The following RAPGEF4 variants were observed in gnomAD, a reference collection of about 807,000 sequenced individuals.
RAPGEF4 encodes Rap guanine nucleotide exchange factor 4.
In RAPGEF4, 66 loss-of-function variants were observed where a neutral mutation model predicts 147.9. The observed-to-expected ratio is 0.45, with a 90% CI of 0.37 to 0.55. The LOEUF is 0.55. Ranked by LOEUF, RAPGEF4 falls within the 20% of genes least tolerant of loss-of-function variation. RAPGEF4 has a pLI of 0.00. For missense variants in RAPGEF4, 1,071 were observed against 1,257.3 expected (o/e 0.85, Z 2.24); for synonymous variants, 419 against 442.7 (o/e 0.95, Z 0.67).
At chr2:172,861,468 C>A (rs1189769505) in intron 4 of RAPGEF4, among the ~76,000 whole-genome samples, 1 of 152,212 alleles carries the variant, frequency 6.6e-6, no homozygotes, top group Non-Finnish European at 1.5e-5. Flanking sequence ...AATCCCCTGA[C>A]TGAAAATTCC....
rs111549397 is a variant in RAPGEF4, at chr2:173,043,310, A to G, written c.2854-5290A>G. Among the ~76,000 whole-genome samples, 770 of 152,338 alleles carry G rather than the reference A, an allele frequency of 5.1e-3. 7 individuals are homozygous for G. Among genetic ancestry groups the G allele is most frequent in the African/African-American group, 0.017 (702 of 41,578 alleles). Reference sequence around the variant, plus strand: ...GGCAAACATTAAGAGCAAGGATGGTACAGATCTTAAGGGGCAACAGAAGGA... The same window carrying G: ...GGCAAACATTAAGAGCAAGGATGGTGCAGATCTTAAGGGGCAACAGAAGGA... On this transcript the variant is annotated intron_variant, in intron 29 of 30. Coordinates refer to ENST00000397081, the MANE Select transcript of RAPGEF4 (RefSeq NM_007023.4).
intron 1 of RAPGEF4, among the ~76,000 whole-genome samples, chr2:172,754,285 G>T (rs1437272724): frequency 6.6e-6 from 1 of 151,962 alleles, no homozygotes; most frequent in Non-Finnish European, 1.5e-5. Context: ...ATTCGTATTG[G>T]CTGAAATCAT....
At chr2:173,035,137 C>T (rs1444691702) in intron 27 of RAPGEF4, among the ~76,000 whole-genome samples, 1 of 151,806 alleles carries the variant, frequency 6.6e-6, no homozygotes, top group African/African-American at 2.4e-5. Flanking sequence ...TCATTGCAGC[C>T]TTGACCTCTT....
intron 1 of RAPGEF4, among the ~76,000 whole-genome samples, chr2:172,756,003 A>G (rs1262839987): frequency 6.6e-6 from 1 of 152,208 alleles, no homozygotes; most frequent in East Asian, 1.9e-4. Flanking sequence ...CCCTCTCGCC[A>G]GCACTTTGTA....
Position 172,838,972 on chromosome 2 carries a change from C to T in RAPGEF4, c.444+24547C>T, listed in dbSNP as rs555789503. On this transcript the variant is annotated intron_variant, in intron 4 of 30. Transcript: ENST00000397081. ...TTGGGCAATAAGCAAGTTCTTCTTC[C>T]CATGCATCCTTTGATCCCCATCACC... Among the ~76,000 whole-genome samples the T allele has an allele frequency of 4.7e-4, 71 of 152,178 alleles. 2 individuals are homozygous for T. Among genetic ancestry groups the T allele is most frequent in the African/African-American group, 1.7e-3 (69 of 41,474 alleles).
At chr2:172,962,678 T>C (rs551545020) in intron 8 of RAPGEF4, among the ~76,000 whole-genome samples, 2 of 152,238 alleles carry the variant, frequency 1.3e-5, no homozygotes, top group South Asian at 4.1e-4. Flanking sequence ...TGGCCTCTTG[T>C]TGACCGAATT....
At chr2:172,996,061 C>T (rs1693325713) in intron 15 of RAPGEF4, among the ~76,000 whole-genome samples, 2 of 152,122 alleles carry the variant, frequency 1.3e-5, no homozygotes, top group African/African-American at 4.8e-5. Flanking sequence ...CTATGAGTAA[C>T]CCATATATGG....
intron 3 of RAPGEF4, among the ~76,000 whole-genome samples, chr2:172,813,936 T>C (rs763262428): frequency 2.6e-5 from 4 of 152,114 alleles, no homozygotes; most frequent in Non-Finnish European, 5.9e-5. Flanking sequence ...TTACAGACAT[T>C]ATGTTGAGCA....
At chr2:172,915,288 A>T (rs1200368523) in intron 4 of RAPGEF4, among the ~76,000 whole-genome samples, 6 of 152,238 alleles carry the variant, frequency 3.9e-5, no homozygotes, top group Admixed American at 1.3e-4. Context: ...TTTGACCATC[A>T]ACTGGATATT....
In RAPGEF4 at chr2:172,983,687, C is replaced by T. The variant is rs999645525; in HGVS notation, c.1089+107C>T. 10 of 1,489,768 alleles carry T rather than the reference C, an allele frequency of 6.7e-6. No individual in the cohort carries two copies. The Admixed American group carries it at 1.5e-4, about 22-fold the overall frequency. The allele number at this position is 1,489,768 out of a possible 1,614,324, so 92.3% of individuals were successfully genotyped here. A position where few individuals can be genotyped will look rare whatever the true frequency, so the allele number is the denominator to read the frequency against. On this transcript the variant is annotated intron_variant, in intron 11 of 30. Transcript: ENST00000397081. The stretch of plus-strand genomic sequence containing the variant: ...GTGGGGGGAAAGAATGTCTGATTTT[C>T]ACCTCATAAATCACCTCTACTCTCT...
chr2:173,003,306 G>A (rs1694130679), intron 17 of RAPGEF4, among the ~76,000 whole-genome samples: 1 of 152,170 alleles, frequency 6.6e-6, no homozygotes, highest in Non-Finnish European at 1.5e-5. Context: ...GCAGGGAGAG[G>A]GGAAGGCAAG....
intron 1 of RAPGEF4, among the ~76,000 whole-genome samples, chr2:172,753,704 C>CT (rs34628734): frequency 1.5e-4 from 23 of 149,102 alleles, no homozygotes; most frequent in African/African-American, 2.2e-4. Flanking sequence ...AAAAGGAAAA[C>CT]TTTTTTTTTT....
intron 6 of RAPGEF4, among the ~76,000 whole-genome samples, chr2:172,927,955 C>G (rs1318828553): frequency 6.6e-6 from 1 of 152,158 alleles, no homozygotes; most frequent in Admixed American, 6.5e-5. Context: ...AATGCTGAAG[C>G]TTTGAAAATC....
intron 29 of RAPGEF4, among the ~76,000 whole-genome samples, chr2:173,039,477 A>T (rs796660542): frequency 2.6e-5 from 4 of 151,716 alleles, no homozygotes; most frequent in African/African-American, 9.7e-5. Context: ...AAAAAAAAAA[A>T]GTTCAAGCAG....
chr2:172,999,957 C>A (rs188490062), intron 16 of RAPGEF4, among the ~76,000 whole-genome samples: 1 of 152,340 alleles, frequency 6.6e-6, no homozygotes, highest in African/African-American at 2.4e-5. Context: ...CAAGTCAAGT[C>A]TCTGCTTTAG....
At chr2:172,813,513 C>G (rs567012960) in intron 3 of RAPGEF4, among the ~76,000 whole-genome samples, 2 of 152,130 alleles carry the variant, frequency 1.3e-5, no homozygotes, top group Non-Finnish European at 1.5e-5. Context: ...CAGCATGATA[C>G]AAAAATCTTG....
intron 1 of RAPGEF4, among the ~76,000 whole-genome samples, chr2:172,776,485 T>A (rs1050270969): frequency 6.6e-6 from 1 of 152,158 alleles, no homozygotes; most frequent in Non-Finnish European, 1.5e-5. Context: ...AACTGGAAAA[T>A]TTTCATCCAT....
intron 1 of RAPGEF4, among the ~76,000 whole-genome samples, chr2:172,792,480 A>C (rs1685920114): frequency 6.6e-6 from 1 of 152,200 alleles, no homozygotes; most frequent in Non-Finnish European, 1.5e-5. Context: ...CTGGGCACAC[A>C]CACATCAGGA....
At chr2:172,758,317 G>A (rs75720916) in intron 1 of RAPGEF4, among the ~76,000 whole-genome samples, 1 of 152,150 alleles carries the variant, frequency 6.6e-6, no homozygotes, top group East Asian at 1.9e-4. Flanking sequence ...GAGAATGAGG[G>A]CAGATCACAT....
Sources: gnomAD v4.1 joint callset for allele counts (sites outside exome capture counted in the v4.1 genomes callset) on GRCh38, gnomAD v4.1.1 for gene constraint, MANE v1.5 for transcripts, NCBI Gene and HGNC (gene_info 2026-07-23, HGNC 2026-07-21) for gene names.